EHBP1: variants seen among roughly 807,000 people sequenced by gnomAD.
EHBP1 encodes EH domain-binding protein 1.
Under a neutral mutation model 144.0 loss-of-function variants are expected in EHBP1, and 55 were observed. The observed-to-expected ratio is 0.38, with a 90% CI of 0.31 to 0.48. The LOEUF is 0.48. Ranked by LOEUF, EHBP1 falls within the 20% of genes least tolerant of loss-of-function variation. The pLI is 0.98. For synonymous variants in EHBP1, 469 were observed against 472.7 expected (o/e 0.99, Z 0.10); for missense variants, 1,200 against 1,364.2 (o/e 0.88, Z 1.90).
At chr2:62,725,485 C>G (rs1024493714) in intron 2 of EHBP1, among the ~76,000 whole-genome samples, 5 of 152,206 alleles carry the variant, frequency 3.3e-5, no homozygotes, top group Non-Finnish European at 7.3e-5. Flanking sequence ...GGGTGGGGCA[C>G]TGGCAGGCAC....
intron 5 of EHBP1, among the ~76,000 whole-genome samples, chr2:62,822,842 G>C (rs2046082649): frequency 6.6e-6 from 1 of 152,112 alleles, no homozygotes; most frequent in East Asian, 1.9e-4. Flanking sequence ...GTCGAATCCA[G>C]GTTTGTCTGA....
chr2:63,031,010 T>C (rs761533066), intron 19 of EHBP1, among the ~76,000 whole-genome samples: 28 of 152,014 alleles, frequency 1.8e-4, no homozygotes, highest in Non-Finnish European at 3.1e-4. Flanking sequence ...TTGGCCAGCC[T>C]AGTCTCGAAC....
At chr2:62,692,453 A>G (rs1277771202) in intron 1 of EHBP1, among the ~76,000 whole-genome samples, 3 of 152,182 alleles carry the variant, frequency 2.0e-5, no homozygotes, top group African/African-American at 7.2e-5. Context: ...GAATTGCCAA[A>G]CTGGTTTTCA....
intron 14 of EHBP1, among the ~76,000 whole-genome samples, chr2:62,964,673 ATT>A: frequency 6.6e-6 from 1 of 152,308 alleles, no homozygotes; most frequent in Admixed American, 6.5e-5. Flanking sequence ...GTGAAACAGT[ATT>A]AATTGTTTTG....
chr2:62,917,445 C>A (rs1383820248), intron 10 of EHBP1, among the ~76,000 whole-genome samples: 1 of 152,014 alleles, frequency 6.6e-6, no homozygotes, highest in Non-Finnish European at 1.5e-5. Context: ...CAGATGCGCA[C>A]GTGTGCACAC....
intron 19 of EHBP1, among the ~76,000 whole-genome samples, chr2:63,011,959 G>A (rs905283114): frequency 6.6e-6 from 1 of 151,830 alleles, no homozygotes; most frequent in Admixed American, 6.6e-5. Flanking sequence ...ATTAAGCTTT[G>A]TTAGTCAAGT....
chr2:62,725,331 T>G (rs2151960695), intron 2 of EHBP1, among the ~76,000 whole-genome samples: 1 of 152,330 alleles, frequency 6.6e-6, no homozygotes, highest in African/African-American at 2.4e-5. Context: ...GCTCATTGGT[T>G]GCGGCAGTGT....
intron 9 of EHBP1, among the ~76,000 whole-genome samples, chr2:62,873,212 G>A (rs2050624086): frequency 6.6e-6 from 1 of 152,022 alleles, no homozygotes; most frequent in South Asian, 2.1e-4. Context: ...AAAGAAATAG[G>A]ATTATACATG....
chr2:62,867,790 C>T (rs1313903485), intron 9 of EHBP1, among the ~76,000 whole-genome samples: 1 of 152,092 alleles, frequency 6.6e-6, no homozygotes, highest in Non-Finnish European at 1.5e-5. Context: ...AGGATTTATA[C>T]TATCTGATTT....
At chr2:62,834,663 T>C (rs950197541) in intron 7 of EHBP1, among the ~76,000 whole-genome samples, 1 of 152,256 alleles carries the variant, frequency 6.6e-6, no homozygotes, top group Non-Finnish European at 1.5e-5. Context: ...ATTTTAGTGA[T>C]CTGGAACCAG....
intron 10 of EHBP1, among the ~76,000 whole-genome samples, chr2:62,903,165 C>A (rs1459874485): frequency 6.6e-6 from 1 of 152,022 alleles, no homozygotes; most frequent in Admixed American, 6.6e-5. Context: ...GTTTAGTGGG[C>A]AAATTTATGA....
At chr2:62,685,277 T>C (rs2033680826) in intron 1 of EHBP1, among the ~76,000 whole-genome samples, 1 of 152,308 alleles carries the variant, frequency 6.6e-6, no homozygotes, top group South Asian at 2.1e-4. Flanking sequence ...CATCACTTTG[T>C]ACCCCATAAA....
intron 2 of EHBP1, among the ~76,000 whole-genome samples, chr2:62,741,220 G>T (rs1206552788): frequency 1.3e-5 from 2 of 152,122 alleles, no homozygotes; most frequent in Non-Finnish European, 2.9e-5. Context: ...CCCTTCTCAT[G>T]TTCTAGAGGT....
intron 14 of EHBP1, among the ~76,000 whole-genome samples, chr2:62,959,302 A>G (rs1328265488): frequency 6.6e-6 from 1 of 152,194 alleles, no homozygotes; most frequent in Non-Finnish European, 1.5e-5. Context: ...TGGTTTTCAC[A>G]TCTTGGCTAT....
intron 19 of EHBP1, among the ~76,000 whole-genome samples, chr2:63,022,592 G>A (rs1574508315): frequency 6.6e-6 from 1 of 152,092 alleles, no homozygotes; most frequent in African/African-American, 2.4e-5. Flanking sequence ...TGGGATCACA[G>A]ACATGAGCCA....
At chr2:62,934,330 G>A (rs1329993808) in intron 10 of EHBP1, among the ~76,000 whole-genome samples, 7 of 152,074 alleles carry the variant, frequency 4.6e-5, no homozygotes, top group Non-Finnish European at 8.8e-5. Flanking sequence ...CTGATGTGAC[G>A]GAGCAAGTTT....
At chr2:62,875,010 G>A (rs2050770074) in intron 10 of EHBP1, among the ~76,000 whole-genome samples, 1 of 151,764 alleles carries the variant, frequency 6.6e-6, no homozygotes, top group Non-Finnish European at 1.5e-5. Context: ...ACACATGTGT[G>A]CACCCTGCCA....
At chr2:62,744,552 G>A (rs868629538) in intron 2 of EHBP1, among the ~76,000 whole-genome samples, 18 of 151,900 alleles carry the variant, frequency 1.2e-4, no homozygotes, top group African/African-American at 4.4e-4. Context: ...TTAAATAGTC[G>A]ACTGATTTCT....
intron 14 of EHBP1, among the ~76,000 whole-genome samples, chr2:62,977,644 C>A (rs1574326205): frequency 6.6e-6 from 1 of 151,970 alleles, no homozygotes; most frequent in Non-Finnish European, 1.5e-5. Flanking sequence ...AGTATATTCT[C>A]CTGCTTGAAA....
Sources: gnomAD v4.1 joint callset for allele counts (sites outside exome capture counted in the v4.1 genomes callset) on GRCh38, gnomAD v4.1.1 for gene constraint, MANE v1.5 for transcripts, NCBI Gene and HGNC (gene_info 2026-07-23, HGNC 2026-07-21) for gene names.